PCDHA9: variants seen among roughly 807,000 people sequenced by gnomAD.
The protein encoded by PCDHA9 is protocadherin alpha-9.
A neutral mutation model predicts 62.0 loss-of-function variants in PCDHA9; 62 were observed. The ratio of observed to expected loss-of-function variants is 1.00; its 90% CI spans 0.81 to 1.23. The LOEUF (loss-of-function observed/expected upper bound fraction) is 1.23. PCDHA9 is among the 50% of genes most tolerant of loss of function. The pLI, the probability that PCDHA9 is intolerant of heterozygous loss-of-function variation, is 0.00. For missense variants in PCDHA9, 1,205 were observed against 1,249.8 expected, an observed-to-expected ratio of 0.96 and a Z score of 0.54; for synonymous variants, 557 against 567.6, an observed-to-expected ratio of 0.98 and a Z score of 0.27.
rs2040761677 is a variant in PCDHA9, at chr5:140,849,062, A to G, written c.567A>G (p.Val189=). The change falls in exon 1 of 4, where the codon GTA becomes GTG. Residue 189 remains valine (V), a synonymous_variant. Coordinates refer to ENST00000532602, the MANE Select transcript of PCDHA9 (RefSeq NM_031857.2). The part of the protein sequence containing the change: ...FLDVPTSNQQ[V]KPLGLVLRKL... Reference sequence around the variant, plus strand: ...ACGTGCCAACCAGCAACCAGCAGGTAAAACCTCTTGGACTTGTATTACGGA... The same window carrying G: ...ACGTGCCAACCAGCAACCAGCAGGTGAAACCTCTTGGACTTGTATTACGGA... The G allele has an allele frequency of 1.3e-6, 2 of 1,547,906 alleles. No individual in the cohort carries two copies. The highest frequency in any genetic ancestry group is 1.1e-5 in the South Asian group (1 of 88,654).
At chr5:140,929,555 C>A in intron 1 of PCDHA9, 1 of 485,752 alleles carries the variant, frequency 2.1e-6, no homozygotes, top group Non-Finnish European at 3.5e-6. Context: ...AAATTAAAAC[C>A]TATTTAAGAA....
At chr5:140,914,414 C>A (rs1554196336) in intron 1 of PCDHA9, among the ~76,000 whole-genome samples, 1 of 152,038 alleles carries the variant, frequency 6.6e-6, no homozygotes, top group African/African-American at 2.4e-5. Context: ...GTTTTGTTTC[C>A]ATTAGCAAGG....
intron 1 of PCDHA9, chr5:140,858,104 G>T: frequency 6.3e-7 from 1 of 1,597,736 alleles, no homozygotes; most frequent in Non-Finnish European, 8.6e-7. Context: ...AGTGGGCGTG[G>T]CGCCCGAGGT....
At chr5:140,968,210 A>T (rs376166734) in intron 1 of PCDHA9, 4 of 1,613,882 alleles carry the variant, frequency 2.5e-6, no homozygotes, top group Non-Finnish European at 3.4e-6. Flanking sequence ...ACAGGAGAAC[A>T]ATTTGCCAGG....
intron 1 of PCDHA9, among the ~76,000 whole-genome samples, chr5:140,975,776 A>G (rs1554237009): frequency 1.3e-5 from 2 of 152,152 alleles, no homozygotes; most frequent in African/African-American, 2.4e-5. Flanking sequence ...AGATAATACC[A>G]TTACAAGATA....
intron 1 of PCDHA9, among the ~76,000 whole-genome samples, chr5:140,938,635 G>A (rs1361017966): frequency 6.6e-6 from 1 of 151,982 alleles, no homozygotes; most frequent in Non-Finnish European, 1.5e-5. Context: ...TGCTTATGAT[G>A]TATAATCCTT....
chr5:140,944,097 A>G lies in PCDHA9; in HGVS notation c.2395-34852A>G, dbSNP rs2093609741. On this transcript the variant is annotated intron_variant, in intron 1 of 3. Coordinates refer to ENST00000532602, the MANE Select transcript of PCDHA9 (RefSeq NM_031857.2). ...ATAAAGGAGGCCTGAGTAAGTTTAT[A>G]TCTCATGGGAAAATGGTACCAGAGA... is the stretch of plus-strand genomic sequence containing the variant. Among the ~76,000 whole-genome samples, 3 of 152,244 alleles carry G rather than the reference A, an allele frequency of 2.0e-5. No individual in the cohort carries two copies. In the South Asian group the frequency reaches 6.2e-4, roughly 31 times the overall value.
intron 3 of PCDHA9, among the ~76,000 whole-genome samples, chr5:141,000,391 C>CTA (rs2097912428): frequency 7.9e-4 from 45 of 56,656 alleles, no homozygotes; most frequent in East Asian, 1.2e-3. Flanking sequence ...CTCTCTCTCT[C>CTA]TCTCTATATA....
chr5:140,964,586 C>T (rs2095842092), intron 1 of PCDHA9, among the ~76,000 whole-genome samples: 1 of 152,078 alleles, frequency 6.6e-6, no homozygotes, highest in Non-Finnish European at 1.5e-5. Flanking sequence ...GAGGAAAGAT[C>T]ACTTTTCATG....
chr5:140,944,807 A>T (rs1472832230), intron 1 of PCDHA9, among the ~76,000 whole-genome samples: 1 of 152,214 alleles, frequency 6.6e-6, no homozygotes, highest in Non-Finnish European at 1.5e-5. Context: ...TCGAGGGTCC[A>T]CAGTGATCTT....
At chr5:140,877,738 C>G (rs539793128) in intron 1 of PCDHA9, 1 of 1,614,164 alleles carries the variant, frequency 6.2e-7, no homozygotes, top group African/African-American at 1.3e-5. Flanking sequence ...GCAGAGGAGG[C>G]AGAGGGTGTG....
intron 1 of PCDHA9, chr5:140,929,215 T>C (rs1554206842): frequency 1.2e-6 from 2 of 1,613,934 alleles, no homozygotes; most frequent in East Asian, 2.2e-5. Context: ...GCGTGGGGAG[T>C]ACAATGCTGC....
At chr5:140,984,471 A>G (rs2153834399) in intron 3 of PCDHA9, among the ~76,000 whole-genome samples, 1 of 152,300 alleles carries the variant, frequency 6.6e-6, no homozygotes, top group Middle Eastern at 3.4e-3. Context: ...CCCCTCTTGT[A>G]TAACCCATTT....
At chr5:140,928,625 A>C in intron 1 of PCDHA9, 1 of 1,614,224 alleles carries the variant, frequency 6.2e-7, no homozygotes, top group Non-Finnish European at 8.5e-7. Flanking sequence ...AGGACTGGAC[A>C]CTTGGTCACA....
intron 1 of PCDHA9, chr5:140,857,589 G>T (rs1554150286): frequency 6.3e-7 from 1 of 1,596,564 alleles, no homozygotes; most frequent in Non-Finnish European, 8.6e-7. Flanking sequence ...GCGGAGAGCG[G>T]CAAGGTGTAC....
At chr5:140,923,423 G>T (rs533295733) in intron 1 of PCDHA9, among the ~76,000 whole-genome samples, 1 of 152,260 alleles carries the variant, frequency 6.6e-6, no homozygotes, top group East Asian at 1.9e-4. Context: ...GGCTACTTGG[G>T]AGGCTGGGGT....
intron 1 of PCDHA9, chr5:140,929,129 C>T (rs1206531954): frequency 6.2e-7 from 1 of 1,614,052 alleles, no homozygotes; most frequent in South Asian, 1.1e-5. Context: ...GATGTCACTA[C>T]AGTTGAGAGA....
At chr5:140,982,807 G>A (rs2097006971) in intron 3 of PCDHA9, among the ~76,000 whole-genome samples, 2 of 152,048 alleles carry the variant, frequency 1.3e-5, no homozygotes, top group South Asian at 4.1e-4. Flanking sequence ...GTGTGTGTGT[G>A]TGTATGAAGT....
chr5:140,866,238 A>G (rs1317266389), intron 1 of PCDHA9: 2 of 152,166 alleles, frequency 1.3e-5, no homozygotes, highest in Admixed American at 1.3e-4. Context: ...ACTATATACC[A>G]AAAATGACAC....
Sources: gnomAD v4.1 joint callset for allele counts (sites outside exome capture counted in the v4.1 genomes callset) on GRCh38, gnomAD v4.1.1 for gene constraint, MANE v1.5 for transcripts, NCBI Gene and HGNC (gene_info 2026-07-23, HGNC 2026-07-21) for gene names.